Variants in NYAP2 observed in about 807,000 individuals in gnomAD.
The protein encoded by NYAP2 is neuronal tyrosine-phosphorylated phosphoinositide-3-kinase adapter 2.
A neutral mutation model predicts 50.4 loss-of-function variants in NYAP2; 23 were observed. The observed-to-expected ratio is 0.46, with a 90% CI of 0.33 to 0.65. The LOEUF is 0.65. NYAP2 is among the 30% of genes least tolerant of loss of function. The pLI, the probability that NYAP2 is intolerant of heterozygous loss-of-function variation, is 0.02. For missense variants in NYAP2, 885 were observed against 861.0 expected (o/e 1.03, Z -0.35); for synonymous variants, 394 against 365.2 (o/e 1.08, Z -0.90).
chr2:225,682,117 C>A, the NYAP2 span, among the ~76,000 whole-genome samples: 1 of 152,140 alleles, frequency 6.6e-6, no homozygotes, highest in African/African-American at 2.4e-5. Context: ...AACATGCCTT[C>A]TGTAGCCAAC....
chr2:225,430,232 A>T (rs937157627), intron 3 of NYAP2, among the ~76,000 whole-genome samples: 1 of 152,168 alleles, frequency 6.6e-6, no homozygotes, highest in Non-Finnish European at 1.5e-5. Flanking sequence ...ACTGGATAAA[A>T]ATGTTTTTCG....
At chr2:225,572,223 C>T (rs1692085970) in intron 4 of NYAP2, among the ~76,000 whole-genome samples, 1 of 152,218 alleles carries the variant, frequency 6.6e-6, no homozygotes, top group Admixed American at 6.5e-5. Flanking sequence ...CTGCCTGTTA[C>T]CCAGTTCCAA....
chr2:225,466,045 C>T (rs551748375), intron 3 of NYAP2, among the ~76,000 whole-genome samples: 1 of 152,304 alleles, frequency 6.6e-6, no homozygotes, highest in South Asian at 2.1e-4. Context: ...CAAATGTAGG[C>T]CTGGCAGCCG....
chr2:225,539,485 C>G (rs1013173103), intron 4 of NYAP2, among the ~76,000 whole-genome samples: 1 of 152,208 alleles, frequency 6.6e-6, no homozygotes, highest in Non-Finnish European at 1.5e-5. Context: ...ATTCCTGTTT[C>G]TCCACATCCT....
At chr2:225,566,170 T>C (rs1436291638) in intron 4 of NYAP2, among the ~76,000 whole-genome samples, 1 of 152,204 alleles carries the variant, frequency 6.6e-6, no homozygotes, top group African/African-American at 2.4e-5. Context: ...AATAAAGCAT[T>C]TGATAAATAG....
intron 4 of NYAP2, among the ~76,000 whole-genome samples, chr2:225,532,951 G>T (rs1574662504): frequency 1.3e-5 from 2 of 152,166 alleles, no homozygotes; most frequent in Non-Finnish European, 2.9e-5. Flanking sequence ...CTAGGCAATA[G>T]AGAAACAAGA....
chr2:225,623,544 G>T (rs1011227552), intron 5 of NYAP2, among the ~76,000 whole-genome samples: 2 of 152,012 alleles, frequency 1.3e-5, no homozygotes, highest in Non-Finnish European at 2.9e-5. Flanking sequence ...CAAAGCAATA[G>T]AATTGTGCTT....
chr2:225,529,233 G>A (rs1691208255), intron 4 of NYAP2, among the ~76,000 whole-genome samples: 2 of 151,974 alleles, frequency 1.3e-5, no homozygotes, highest in Admixed American at 1.3e-4. Context: ...CTTCAACATG[G>A]CCCCTAAGAC....
intron 5 of NYAP2, among the ~76,000 whole-genome samples, chr2:225,615,629 G>A (rs1692974937): frequency 6.6e-6 from 1 of 152,138 alleles, no homozygotes; most frequent in African/African-American, 2.4e-5. Flanking sequence ...ACACTGCCTG[G>A]TGTAGGTACT....
the NYAP2 span, among the ~76,000 whole-genome samples, chr2:225,670,632 T>C: frequency 1.4e-5 from 2 of 139,110 alleles, no homozygotes; most frequent in Non-Finnish European, 3.2e-5. Flanking sequence ...AAAAAAAAAA[T>C]TCCTACATAG....
chr2:225,627,188 C>A, intron 6 of NYAP2, 62 bp downstream of exon 6: 7 of 1,205,460 alleles, frequency 5.8e-6, no homozygotes, highest in South Asian at 1.3e-5. Context: ...TACTTTCATG[C>A]AATATCACTT....
At chr2:225,449,112 G>A (rs1025970775) in intron 3 of NYAP2, among the ~76,000 whole-genome samples, 1 of 152,198 alleles carries the variant, frequency 6.6e-6, no homozygotes, top group Non-Finnish European at 1.5e-5. Context: ...CATCTGCTAA[G>A]TGGTAGATAT....
At chr2:225,693,831 G>T in the NYAP2 span, among the ~76,000 whole-genome samples, 1 of 151,978 alleles carries the variant, frequency 6.6e-6, no homozygotes, top group Non-Finnish European at 1.5e-5. Flanking sequence ...ATAACACCAG[G>T]TTCCTCCAAT....
intron 4 of NYAP2, among the ~76,000 whole-genome samples, chr2:225,563,569 C>T (rs568145957): frequency 9.2e-5 from 14 of 151,972 alleles, no homozygotes; most frequent in African/African-American, 2.4e-4. Context: ...GGAATGGGTT[C>T]GTGACATGGT....
At chr2:225,596,714 GAT>G (rs1166022830) in intron 5 of NYAP2, among the ~76,000 whole-genome samples, 1 of 152,136 alleles carries the variant, frequency 6.6e-6, no homozygotes, top group Non-Finnish European at 1.5e-5. Context: ...CAGTAGTTAA[GAT>G]ATTTAGGAAC....
At chr2:225,458,027 GT>G (rs1243835311) in intron 3 of NYAP2, among the ~76,000 whole-genome samples, 1 of 151,690 alleles carries the variant, frequency 6.6e-6, no homozygotes, top group Non-Finnish European at 1.5e-5. Flanking sequence ...TTACCTGGTT[GT>G]TACAGCTTAA....
chr2:225,626,938 T>C (rs1164324971), exon 6 of NYAP2: 1 of 1,577,694 alleles, frequency 6.3e-7, no homozygotes, highest in Non-Finnish European at 8.6e-7. Flanking sequence ...GAACTGAAAG[T>C]CCGAAGCCAC....
At chr2:225,414,090 C>T (rs1374438475) in intron 3 of NYAP2, among the ~76,000 whole-genome samples, 3 of 152,164 alleles carry the variant, frequency 2.0e-5, no homozygotes, top group African/African-American at 7.2e-5. Context: ...ATCACTTTCT[C>T]AGTGTTCTAA....
intron 3 of NYAP2, among the ~76,000 whole-genome samples, chr2:225,492,526 G>T (rs775549608): frequency 9.2e-5 from 14 of 152,294 alleles, no homozygotes; most frequent in African/African-American, 2.9e-4. Flanking sequence ...GATAATTTAG[G>T]TGTTATTTCC....
Sources: gnomAD v4.1 joint callset for allele counts (sites outside exome capture counted in the v4.1 genomes callset) on GRCh38, gnomAD v4.1.1 for gene constraint, MANE v1.5 for transcripts, NCBI Gene and HGNC (gene_info 2026-07-23, HGNC 2026-07-21) for gene names.